Variants in CRIPT observed in about 807,000 individuals in gnomAD.
CRIPT encodes cysteine-rich PDZ-binding protein.
In CRIPT, 20 loss-of-function variants were observed where a neutral mutation model predicts 16.6. The ratio of observed to expected loss-of-function variants is 1.20; its 90% CI spans 0.85 to 1.75. CRIPT has a LOEUF of 1.75. CRIPT is among the 40% of genes most tolerant of loss of function. The pLI is 0.00. For synonymous variants in CRIPT, 42 were observed against 37.0 expected, an observed-to-expected ratio of 1.14 and a Z score of -0.49; for missense variants, 133 against 115.3, an observed-to-expected ratio of 1.15 and a Z score of -0.70.
In CRIPT at chr2:46,628,613, C is replaced by T. The variant is rs1467681418; in HGVS notation, c.*4386C>T. Among the ~76,000 whole-genome samples the T allele has an allele frequency of 2.0e-5, 3 of 152,184 alleles. No individual in the cohort carries two copies. Among genetic ancestry groups the T allele is most frequent in the Non-Finnish European group, 2.9e-5 (2 of 68,036 alleles). The stretch of plus-strand genomic sequence containing the variant: ...TCTTGTCCAGCTCACATTTTATCTT[C>T]ATACTTTGAGTAGCCTCCTTCCATG... On this transcript the variant is annotated 3_prime_UTR_variant, in exon 5 of 5. Coordinates refer to ENST00000238892, the MANE Select transcript of CRIPT (RefSeq NM_014171.6).
Position 46,620,694 on chromosome 2 carries a change from A to G in CRIPT, c.137+1013A>G, listed in dbSNP as rs551204405. Among the ~76,000 whole-genome samples, 78 of 147,498 alleles carry G rather than the reference A, an allele frequency of 5.3e-4. 4 individuals carry two copies. The South Asian group carries it at 0.015, about 29-fold the overall frequency. ...TAAATTCAAGCTATATGTTATATATATATATATGTAATAATATTATTATAT... is the reference window on the plus strand; with the variant it reads ...TAAATTCAAGCTATATGTTATATATGTATATATGTAATAATATTATTATAT... On this transcript the variant is annotated intron_variant, in intron 3 of 4. Coordinates refer to ENST00000238892, the MANE Select transcript of CRIPT (RefSeq NM_014171.6).
At chr2:46,620,214 C>T (rs1187966455) in intron 3 of CRIPT, among the ~76,000 whole-genome samples, 2 of 152,114 alleles carry the variant, frequency 1.3e-5, no homozygotes, top group African/African-American at 4.8e-5. Context: ...TTTGGGAAGC[C>T]AAGGCAGACA....
intron 1 of CRIPT, among the ~76,000 whole-genome samples, chr2:46,618,558 A>G (rs935862181): frequency 1.3e-5 from 2 of 152,240 alleles, no homozygotes; most frequent in African/African-American, 2.4e-5. Context: ...AAAGCTTATT[A>G]TAAGTCATCT....
intron 3 of CRIPT, among the ~76,000 whole-genome samples, chr2:46,620,483 T>C (rs768371204): frequency 1.3e-5 from 2 of 152,004 alleles, no homozygotes; most frequent in Non-Finnish European, 2.9e-5. Flanking sequence ...TCATCTGCCA[T>C]CTGATTTCTT....
At position 46,627,736 on chromosome 2, in the gene CRIPT, C is replaced by T. The variant is rs1489169983; in HGVS notation, c.*3509C>T. ...CTGGGATTACAGGCATGAGCCACTG[C>T]ACCCGGCCCCTTATATTTAAATCTT... On this transcript the variant is annotated 3_prime_UTR_variant, in exon 5 of 5. Transcript: ENST00000238892. Among the ~76,000 whole-genome samples the T allele has an allele frequency of 6.6e-6, 1 of 152,064 alleles. No individual in the cohort carries two copies. The highest frequency in any genetic ancestry group is 1.5e-5 in the Non-Finnish European group (1 of 67,998).
At chr2:46,620,564 C>A (rs1204047802) in intron 3 of CRIPT, among the ~76,000 whole-genome samples, 1 of 151,838 alleles carries the variant, frequency 6.6e-6, no homozygotes, top group East Asian at 1.9e-4. Flanking sequence ...AAGTTCCTTT[C>A]CCTCCTTCAG....
At position 46,618,790 on chromosome 2, in the gene CRIPT, A is replaced by G; in HGVS notation, c.34A>G (p.Thr12Ala). 1.2e-6 allele frequency: 2 copies of G among 1,605,148 alleles called. No homozygotes were observed. The highest frequency in any genetic ancestry group is 1.7e-6 in the Non-Finnish European group (2 of 1,174,874). The change falls in exon 2 of 5, where the codon ACT becomes GCT. Residue 12 changes from threonine to alanine, a missense_variant. Transcript: ENST00000238892. ...VCEKCEKKLG[T>A]VITPDTWKDG... ...TCTAACAGGTGAAAAGAAACTTGGT[A>G]CTGTTATCACTCCAGATACATGGAA...
At position 46,623,768 on chromosome 2, in the gene CRIPT, G is replaced by C. The variant is rs1297433657; in HGVS notation, c.142G>C (p.Asp48His). ...KALTSKKARF[D>H]PYGKNKFSTC... ...CTCTTTAAAAAAAATTTCTAGATTT[G>C]ATCCATATGGAAAGAATAAGTTCTC... is the stretch of plus-strand genomic sequence containing the variant. Residue 48 changes from aspartate (D) to histidine (H), a missense_variant, in exon 4 of 5, where the codon GAT becomes CAT. Transcript: ENST00000238892. 1.9e-6 allele frequency: 3 copies of C among 1,592,330 alleles called. No individual in the cohort carries two copies. In the African/African-American group the frequency reaches 4.1e-5, roughly 22 times the overall value.
At chr2:46,621,771 A>C (rs1323158178) in intron 3 of CRIPT, among the ~76,000 whole-genome samples, 1 of 152,256 alleles carries the variant, frequency 6.6e-6, no homozygotes, top group African/African-American at 2.4e-5. Context: ...AACTACATAC[A>C]GTGCCTAGCA....
At position 46,618,580 on chromosome 2, in the gene CRIPT, G is replaced by A. The variant is rs183142311; in HGVS notation, c.17-193G>A. 5.3e-5 allele frequency among the ~76,000 whole-genome samples: 8 copies of A among 152,168 alleles called. No individual in the cohort carries two copies. In the East Asian group the frequency reaches 1.5e-3, roughly 29 times the overall value. The stretch of plus-strand genomic sequence containing the variant: ...ATTATAAGTCATCTTATTATCCTAC[G>A]CATTTTACTGAGGGTCAGTCATTCA... On this transcript the variant is annotated intron_variant, in intron 1 of 4. Coordinates refer to ENST00000238892, the MANE Select transcript of CRIPT (RefSeq NM_014171.6).
intron 2 of CRIPT, 56 bp downstream of exon 2, chr2:46,618,894 C>A (rs146957186): frequency 1.9e-6 from 2 of 1,059,382 alleles, no homozygotes; most frequent in Non-Finnish European, 2.9e-6. Flanking sequence ...TGAATAATAC[C>A]TTAGTTTTTA....
chr2:46,626,413 T>C lies in CRIPT; in HGVS notation c.*2186T>C, dbSNP rs1670940782. On this transcript the variant is annotated 3_prime_UTR_variant, in exon 5 of 5. Transcript: ENST00000238892. ...GATGAATATGTGAGTGTATGTGTCT[T>C]TTTGGTAGAACAATTTATTTTCATT... Among the ~76,000 whole-genome samples the C allele has an allele frequency of 6.6e-6, 1 of 152,240 alleles. No individual in the cohort carries two copies. The highest frequency in any genetic ancestry group is 2.1e-4 in the South Asian group (1 of 4,832).
At chr2:46,619,247 G>A (rs576303678) in intron 2 of CRIPT, among the ~76,000 whole-genome samples, 8 of 152,052 alleles carry the variant, frequency 5.3e-5, no homozygotes, top group East Asian at 3.9e-4. Flanking sequence ...TTATGATGAA[G>A]TATTTACCTT....
rs1008892167 is a variant in CRIPT at position 46,627,848 on chromosome 2, C to T, written c.*3621C>T. 6.6e-6 allele frequency among the ~76,000 whole-genome samples: 1 copy of T among 152,132 alleles called. No individual in the cohort carries two copies. The highest frequency in any genetic ancestry group is 1.5e-5 in the Non-Finnish European group (1 of 68,028). On this transcript the variant is annotated 3_prime_UTR_variant, in exon 5 of 5. Transcript: ENST00000238892. ...TATGGCTAGACAGCTGTTCCAGCAC[C>T]ATTTATTGAATTAGGGAATCCTTTC...
chr2:46,620,040 T>A (rs1670763400), intron 3 of CRIPT, among the ~76,000 whole-genome samples: 1 of 152,218 alleles, frequency 6.6e-6, no homozygotes, highest in South Asian at 2.1e-4. Flanking sequence ...CCTTATGACC[T>A]TAAGCAAGTT....
chr2:46,624,215 A>G lies in CRIPT; in HGVS notation c.294A>G (p.Gln98=), dbSNP rs1670879953. The G allele has an allele frequency of 6.3e-7, 1 of 1,579,148 alleles. No individual in the cohort carries two copies. Residue 98 remains glutamine, a synonymous_variant, in exon 5 of 5, where the codon CAA becomes CAG. Transcript: ENST00000238892. ...KKVLDTKNYK[Q]TSV ...TTTTGGATACCAAAAACTACAAGCA[A>G]ACATCTGTCTAGATGTATTGATGGA...
At chr2:46,624,045 T>C (rs559984925) in intron 4 of CRIPT, 118 bp from the exon 5 acceptor site, 6 of 440,734 alleles carry the variant, frequency 1.4e-5, no homozygotes, top group African/African-American at 8.5e-5. Flanking sequence ...ATATATATTT[T>C]TTTTTTCTTT....
At chr2:46,621,928 A>C (rs1670814529) in intron 3 of CRIPT, among the ~76,000 whole-genome samples, 1 of 152,188 alleles carries the variant, frequency 6.6e-6, no homozygotes, top group South Asian at 2.1e-4. Flanking sequence ...TATGCTCTCA[A>C]ACTTACTCTG....
rs1288053683 is a variant in CRIPT at position 46,627,009 on chromosome 2, T to G, written c.*2782T>G. Among the ~76,000 whole-genome samples, 1 of 152,114 alleles carries G rather than the reference T, an allele frequency of 6.6e-6. No individual in the cohort carries two copies. The highest frequency in any genetic ancestry group is 2.4e-5 in the African/African-American group (1 of 41,420). On this transcript the variant is annotated 3_prime_UTR_variant, in exon 5 of 5. Coordinates refer to ENST00000238892, the MANE Select transcript of CRIPT (RefSeq NM_014171.6). ...CACCAAGCGTGGCTAATTTTGGTAC[T>G]TTTAGTAGAGACAGGGTTTCACCAT...
Sources: allele counts gnomAD v4.1 joint callset (sites outside exome capture counted in the v4.1 genomes callset), GRCh38; gene constraint gnomAD v4.1.1; transcripts MANE v1.5; gene names NCBI Gene and HGNC (gene_info 2026-07-23, HGNC 2026-07-21).